Variants in NAA11 observed in about 807,000 individuals in gnomAD.
NAA11 encodes N-alpha-acetyltransferase 11, NatA catalytic subunit.
In NAA11, 15 loss-of-function variants were observed where a neutral mutation model predicts 16.1. The observed-to-expected ratio is 0.93, with a 90% CI of 0.62 to 1.44. The LOEUF (loss-of-function observed/expected upper bound fraction) is 1.44, where lower values mean the gene tolerates loss of function less well. Ranked by LOEUF, NAA11 falls within the 40% of genes most tolerant of loss-of-function variation. NAA11 has a pLI of 0.00. For synonymous variants in NAA11, 122 were observed against 112.4 expected (o/e 1.09, Z -0.54); for missense variants, 298 against 291.3 (o/e 1.02, Z -0.17).
At chr4:79,261,512 A>G (rs1012442462) in intron 2 of NAA11, among the ~76,000 whole-genome samples, 6 of 152,144 alleles carry the variant, frequency 3.9e-5, no homozygotes, top group Non-Finnish European at 7.4e-5. Context: ...CTGATTTGGG[A>G]GAAGAGGCAG....
downstream of NAA11, among the ~76,000 whole-genome samples, chr4:79,224,420 CAG>C (rs2109950990): frequency 6.6e-6 from 1 of 152,194 alleles, no homozygotes; most frequent in South Asian, 2.1e-4. Context: ...GTGGCAGCAA[CAG>C]AGTTACGTAA....
the NAA11 span, among the ~76,000 whole-genome samples, chr4:79,159,205 A>G: frequency 6.6e-6 from 1 of 152,234 alleles, no homozygotes; most frequent in Non-Finnish European, 1.5e-5. Context: ...AAGCACTAAT[A>G]TGCAGAATCT....
chr4:79,160,117 A>T, the NAA11 span, among the ~76,000 whole-genome samples: 1 of 151,482 alleles, frequency 6.6e-6, no homozygotes, highest in African/African-American at 2.4e-5. Context: ...TCAGCCTCCC[A>T]AGTAGCTGGG....
chr4:79,175,743 T>TAA, the NAA11 span, among the ~76,000 whole-genome samples: 7,879 of 123,370 alleles, frequency 0.064, 659 homozygotes, highest in African/African-American at 0.2. Context: ...GTAATCACTG[T>TAA]AAAAAAAAAA....
intron 2 of NAA11, among the ~76,000 whole-genome samples, chr4:79,261,135 G>A (rs1722236513): frequency 2.0e-5 from 3 of 152,162 alleles, no homozygotes; most frequent in Admixed American, 6.5e-5. Context: ...GACATTTGAG[G>A]ATGCTCTAAC....
intron 2 of NAA11, among the ~76,000 whole-genome samples, chr4:79,226,585 C>A (rs1232525534): frequency 1.4e-4 from 16 of 116,892 alleles, no homozygotes; most frequent in Non-Finnish European, 2.0e-4. Flanking sequence ...CCCCTCCCCC[C>A]ACCCCACAAC....
At chr4:79,312,124 T>C (rs1723787571), downstream of NAA11, among the ~76,000 whole-genome samples, 1 of 152,202 alleles carries the variant, frequency 6.6e-6, no homozygotes, top group Admixed American at 6.5e-5. Flanking sequence ...AAGGAGCAAT[T>C]AGAAATATTT....
the NAA11 span, among the ~76,000 whole-genome samples, chr4:79,198,745 C>T: frequency 6.6e-6 from 1 of 151,890 alleles, no homozygotes; most frequent in Non-Finnish European, 1.5e-5. Flanking sequence ...ATTTGTTCAA[C>T]AAGAGCGGTC....
the NAA11 span, among the ~76,000 whole-genome samples, chr4:79,157,563 A>G: frequency 6.6e-6 from 1 of 151,656 alleles, no homozygotes; most frequent in Non-Finnish European, 1.5e-5. Context: ...ACATATGTAT[A>G]TGTATGTATA....
At chr4:79,168,460 T>C in the NAA11 span, among the ~76,000 whole-genome samples, 2 of 152,330 alleles carry the variant, frequency 1.3e-5, no homozygotes, top group African/African-American at 4.8e-5. Context: ...TCTTCCACAA[T>C]GGTTGAACTA....
At chr4:79,188,090 T>A in the NAA11 span, among the ~76,000 whole-genome samples, 1 of 151,988 alleles carries the variant, frequency 6.6e-6, no homozygotes, top group Non-Finnish European at 1.5e-5. Flanking sequence ...GTGAATTGTT[T>A]ATGTTTTCGA....
chr4:79,325,469 AT>A lies in NAA11; in HGVS notation c.408del (p.Lys136AsnfsTer12), dbSNP rs1724242102. ...TAAGCATCTTCCCCATCTGCATAGT[AT>A]TTAGGTTCCACCTCACTAATCTGAA... ...LNFQISEVEP[K>X]YYADGEDAYA... On this transcript the variant is annotated frameshift_variant, in exon 1 of 2. Coordinates refer to ENST00000286794, the MANE Select transcript of NAA11 (RefSeq NM_032693.3). LOFTEE classifies it high-confidence loss of function. 1.2e-6 allele frequency: 2 copies of A among 1,614,050 alleles called. No homozygotes were observed. The highest frequency in any genetic ancestry group is 1.7e-6 in the Non-Finnish European group (2 of 1,180,036).
chr4:79,212,464 G>A, the NAA11 span, among the ~76,000 whole-genome samples: 2 of 151,846 alleles, frequency 1.3e-5, no homozygotes, highest in Admixed American at 6.6e-5. Context: ...TCTTGCAAAG[G>A]CCTTGTCATG....
chr4:79,162,845 G>A, the NAA11 span, among the ~76,000 whole-genome samples: 1 of 152,082 alleles, frequency 6.6e-6, no homozygotes, highest in Non-Finnish European at 1.5e-5. Flanking sequence ...TTCCTAAAGA[G>A]GCAACATGGT....
chr4:79,223,717 T>C (rs1465670702), downstream of NAA11, among the ~76,000 whole-genome samples: 1 of 151,696 alleles, frequency 6.6e-6, no homozygotes, highest in African/African-American at 2.4e-5. Flanking sequence ...CTAGGAGGTA[T>C]AGCCAGAGTA....
At chr4:79,159,815 G>A in the NAA11 span, among the ~76,000 whole-genome samples, 19 of 151,866 alleles carry the variant, frequency 1.3e-4, no homozygotes, top group South Asian at 2.1e-4. Flanking sequence ...GTGCCCTTTC[G>A]TGACTGACTC....
chr4:79,318,896 A>G (rs1724009299), intron 1 of NAA11, among the ~76,000 whole-genome samples: 1 of 152,152 alleles, frequency 6.6e-6, no homozygotes, highest in Non-Finnish European at 1.5e-5. Flanking sequence ...ATTTTTCATA[A>G]AGATTCCCTT....
intron 1 of NAA11, among the ~76,000 whole-genome samples, chr4:79,298,405 C>T (rs1275428643): frequency 6.6e-6 from 1 of 152,210 alleles, no homozygotes; most frequent in Non-Finnish European, 1.5e-5. Context: ...TTGGGGATCC[C>T]AGACCTAGGA....
At chr4:79,185,787 G>A in the NAA11 span, among the ~76,000 whole-genome samples, 63 of 152,050 alleles carry the variant, frequency 4.1e-4, no homozygotes, top group Middle Eastern at 0.01. Context: ...AAACACAGAA[G>A]CCTGGCAGGA....
Sources: allele counts gnomAD v4.1 joint callset (sites outside exome capture counted in the v4.1 genomes callset), GRCh38; gene constraint gnomAD v4.1.1; transcripts MANE v1.5; gene names NCBI Gene and HGNC (gene_info 2026-07-23, HGNC 2026-07-21).